TNFSF13B: variants seen among roughly 807,000 people sequenced by gnomAD.
TNFSF13B encodes TNF superfamily member 13b.
Under a neutral mutation model 29.1 loss-of-function variants are expected in TNFSF13B, and 8 were observed. The ratio of observed to expected loss-of-function variants is 0.27; its 90% CI spans 0.16 to 0.50. The LOEUF (loss-of-function observed/expected upper bound fraction) is 0.50. TNFSF13B is among the 20% of genes least tolerant of loss of function. The pLI is 0.98. For missense variants in TNFSF13B, 248 were observed against 334.9 expected, an observed-to-expected ratio of 0.74 and a Z score of 2.03; for synonymous variants, 125 against 130.8, an observed-to-expected ratio of 0.96 and a Z score of 0.30.
chr13:108,304,975 T>C (rs1881728407), intron 5 of TNFSF13B, among the ~76,000 whole-genome samples: 1 of 152,198 alleles, frequency 6.6e-6, no homozygotes, highest in African/African-American at 2.4e-5. Flanking sequence ...TTTATTTATA[T>C]TTATTAGTAC....
chr13:108,284,005 G>GT (rs1881039116), intron 2 of TNFSF13B, among the ~76,000 whole-genome samples: 1 of 152,184 alleles, frequency 6.6e-6, no homozygotes, highest in Non-Finnish European at 1.5e-5. Context: ...TCCTACTGAA[G>GT]TTTTTGGGAA....
chr13:108,294,011 T>G (rs965949480), intron 3 of TNFSF13B, among the ~76,000 whole-genome samples: 1 of 152,208 alleles, frequency 6.6e-6, no homozygotes, highest in African/African-American at 2.4e-5. Context: ...GACAGAAATA[T>G]TCAATCCATA....
intron 3 of TNFSF13B, chr13:108,302,946 A>T: frequency 1.3e-6 from 1 of 741,124 alleles, no homozygotes; most frequent in Non-Finnish European, 1.7e-6. Context: ...TCTCTTATCC[A>T]GATCAGCCTT....
intron 3 of TNFSF13B, among the ~76,000 whole-genome samples, chr13:108,297,693 A>C (rs985220174): frequency 6.9e-6 from 1 of 145,418 alleles, no homozygotes; most frequent in Non-Finnish European, 1.5e-5. Flanking sequence ...GAAAAATTGA[A>C]AGGAAGGTAC....
rs1264328192 is a variant in TNFSF13B, at chr13:108,307,911, G to A, written c.*973G>A. On this transcript the variant is annotated 3_prime_UTR_variant, in exon 6 of 6. Transcript: ENST00000375887. ...TTTATATTCACTTTATAGAAGTTGA[G>A]TTTTAATTAAAATTCTTGGCATCCT... 1 of 151,956 alleles carries A rather than the reference G, an allele frequency of 6.6e-6. No individual in the cohort carries two copies. Among genetic ancestry groups the A allele is most frequent in the Non-Finnish European group, 1.5e-5 (1 of 67,922 alleles). 9.4% of individuals were successfully genotyped at this position (151,956 alleles called of 1,614,324 possible). A position where few individuals can be genotyped will look rare whatever the true frequency, so the allele number is the denominator to read the frequency against.
At chr13:108,283,663 C>A (rs1881027975) in intron 2 of TNFSF13B, among the ~76,000 whole-genome samples, 1 of 152,148 alleles carries the variant, frequency 6.6e-6, no homozygotes, top group Non-Finnish European at 1.5e-5. Context: ...TAACAAAATA[C>A]CATAGACTGA....
At chr13:108,290,778 A>AT (rs544882198) in intron 3 of TNFSF13B, among the ~76,000 whole-genome samples, 6 of 151,824 alleles carry the variant, frequency 4.0e-5, no homozygotes, top group Admixed American at 2.0e-4. Context: ...AAATTTGTCA[A>AT]TTTTTTTAAA....
At chr13:108,297,651 A>T (rs1881491366) in intron 3 of TNFSF13B, among the ~76,000 whole-genome samples, 1 of 144,668 alleles carries the variant, frequency 6.9e-6, no homozygotes. Context: ...TTTTTATTTT[A>T]ACTTTATTTT....
At chr13:108,297,796 A>C (rs189812294) in intron 3 of TNFSF13B, among the ~76,000 whole-genome samples, 3 of 145,978 alleles carry the variant, frequency 2.1e-5, no homozygotes, top group Non-Finnish European at 4.6e-5. Flanking sequence ...GTTACAACTG[A>C]TAAACCTACA....
chr13:108,291,612 T>TA (rs1881315255), intron 3 of TNFSF13B, among the ~76,000 whole-genome samples: 2 of 152,030 alleles, frequency 1.3e-5, no homozygotes, highest in African/African-American at 4.8e-5. Flanking sequence ...CTTTTATTTT[T>TA]GGATTGCATT....
At chr13:108,290,778 A>G (rs996493927) in intron 3 of TNFSF13B, among the ~76,000 whole-genome samples, 10 of 151,824 alleles carry the variant, frequency 6.6e-5, no homozygotes, top group African/African-American at 2.4e-4. Flanking sequence ...AAATTTGTCA[A>G]TTTTTTTAAA....
chr13:108,269,831 G>T lies in TNFSF13B; in HGVS notation c.-65G>T. 7.0e-7 allele frequency: 1 copy of T among 1,421,806 alleles called. No individual in the cohort carries two copies. Among genetic ancestry groups the T allele is most frequent in the Non-Finnish European group, 9.6e-7 (1 of 1,046,180 alleles). 88.1% of individuals were successfully genotyped at this position (1,421,806 alleles called of 1,614,324 possible). The stretch of plus-strand genomic sequence containing the variant: ...GGACATCAACAAACACAGATAACAG[G>T]AAATGATCCATTCCCTGTGGTCACT... On this transcript the variant is annotated 5_prime_UTR_variant, in exon 1 of 6. Coordinates refer to ENST00000375887, the MANE Select transcript of TNFSF13B (RefSeq NM_006573.5).
intron 2 of TNFSF13B, among the ~76,000 whole-genome samples, chr13:108,279,705 A>G (rs1303310976): frequency 1.3e-5 from 2 of 152,220 alleles, no homozygotes; most frequent in Non-Finnish European, 2.9e-5. Context: ...ATGATGGGCT[A>G]GGAATTGTGA....
chr13:108,298,489 A>G (rs1881516445), intron 3 of TNFSF13B, among the ~76,000 whole-genome samples: 1 of 145,842 alleles, frequency 6.9e-6, no homozygotes, highest in East Asian at 1.9e-4. Flanking sequence ...AGTAAACTTC[A>G]AGGAGGGTAA....
chr13:108,278,078 A>T (rs1337384374), intron 2 of TNFSF13B, among the ~76,000 whole-genome samples: 2 of 152,188 alleles, frequency 1.3e-5, no homozygotes, highest in Non-Finnish European at 2.9e-5. Flanking sequence ...TCATGGTTTG[A>T]CAACTAATTG....
chr13:108,275,728 G>T (rs1880744623), intron 2 of TNFSF13B, among the ~76,000 whole-genome samples: 1 of 152,056 alleles, frequency 6.6e-6, no homozygotes, highest in Admixed American at 6.6e-5. Context: ...CCCCTATCCA[G>T]CTTCCCTAAT....
intron 3 of TNFSF13B, chr13:108,301,468 A>G (rs540400130): frequency 6.6e-6 from 1 of 152,344 alleles, no homozygotes; most frequent in African/African-American, 2.4e-5. Flanking sequence ...ATTCAGCATA[A>G]AAATAAGGAA....
In TNFSF13B at chr13:108,303,513, T is replaced by C. The variant is rs1299901837; in HGVS notation, c.654T>C (p.His218=). ...MGHLIQRKKV[H]VFGDELSLVT... ...ATCTAATTCAGAGGAAGAAGGTCCATGTCTTTGGGGATGAATTGAGTCTGG... is the reference window on the plus strand; with the variant it reads ...ATCTAATTCAGAGGAAGAAGGTCCACGTCTTTGGGGATGAATTGAGTCTGG... Residue 218 remains histidine (H), a synonymous_variant, in exon 5 of 6, where the codon CAT becomes CAC. Transcript: ENST00000375887. 3 of 1,613,836 alleles carry C rather than the reference T, an allele frequency of 1.9e-6. No homozygotes were observed. Among genetic ancestry groups the C allele is most frequent in the Non-Finnish European group, 2.5e-6 (3 of 1,179,826 alleles).
intron 2 of TNFSF13B, among the ~76,000 whole-genome samples, chr13:108,276,858 A>G (rs1270219535): frequency 1.3e-5 from 2 of 152,184 alleles, no homozygotes; most frequent in East Asian, 3.8e-4. Context: ...ATTCCATATG[A>G]ATGGAAAATG....
Sources: allele counts gnomAD v4.1 joint callset (sites outside exome capture counted in the v4.1 genomes callset), GRCh38; gene constraint gnomAD v4.1.1; transcripts MANE v1.5; gene names NCBI Gene and HGNC (gene_info 2026-07-23, HGNC 2026-07-21).